LIPA: variants seen among roughly 807,000 people sequenced by gnomAD.
LIPA encodes lipase A, lysosomal acid type.
In LIPA, 26 loss-of-function variants were observed where a neutral mutation model predicts 40.6. The observed-to-expected ratio is 0.64, with a 90% CI of 0.47 to 0.89. The LOEUF (loss-of-function observed/expected upper bound fraction) is 0.89. LIPA is among the 40% of genes least tolerant of loss of function. LIPA has a pLI of 0.00. For synonymous variants in LIPA, 188 were observed against 168.4 expected (o/e 1.12, Z -0.90); for missense variants, 455 against 479.6 (o/e 0.95, Z 0.48).
chr10:89,395,524 C>G (rs1329170080), intron 2 of LIPA, among the ~76,000 whole-genome samples: 2 of 152,114 alleles, frequency 1.3e-5, no homozygotes, highest in African/African-American at 4.8e-5. Flanking sequence ...CCAACACACT[C>G]AAACTCTTCT....
intron 1 of LIPA, among the ~76,000 whole-genome samples, chr10:89,322,159 G>A (rs1003472217): frequency 4.6e-5 from 7 of 152,132 alleles, no homozygotes; most frequent in Admixed American, 2.0e-4. Flanking sequence ...CATGGCACAA[G>A]TATACATATG....
At chr10:89,351,759 G>A (rs1487654977) in intron 2 of LIPA, among the ~76,000 whole-genome samples, 1 of 152,102 alleles carries the variant, frequency 6.6e-6, no homozygotes, top group Non-Finnish European at 1.5e-5. Context: ...TTTTTATTTT[G>A]TCAGGCTTAG....
intron 2 of LIPA, among the ~76,000 whole-genome samples, chr10:89,401,539 G>A (rs1421154152): frequency 1.3e-5 from 2 of 152,118 alleles, no homozygotes; most frequent in African/African-American, 4.8e-5. Flanking sequence ...GTAATATGAG[G>A]GAGATGTGGT....
At chr10:89,377,347 T>C (rs760313457) in intron 2 of LIPA, among the ~76,000 whole-genome samples, 1 of 152,218 alleles carries the variant, frequency 6.6e-6, no homozygotes, top group Non-Finnish European at 1.5e-5. Context: ...ATTCTCTGAC[T>C]ACATTGCATA....
intron 8 of LIPA, among the ~76,000 whole-genome samples, chr10:89,218,850 T>C (rs1320642551): frequency 1.3e-5 from 2 of 152,238 alleles, no homozygotes; most frequent in Non-Finnish European, 1.5e-5. Flanking sequence ...ATTTAGCAGC[T>C]GTATTTTGGG....
chr10:89,248,442 A>ATTTTATTTATTTATT (rs1459065726), intron 1 of LIPA, among the ~76,000 whole-genome samples: 1 of 136,416 alleles, frequency 7.3e-6, no homozygotes, highest in African/African-American at 2.7e-5. Flanking sequence ...TTATTATTTT[A>ATTTTATTTATTTATT]TATTTATTTA....
intron 1 of LIPA, among the ~76,000 whole-genome samples, chr10:89,312,453 A>AAAC (rs1843521573): frequency 6.6e-6 from 1 of 152,060 alleles, no homozygotes; most frequent in African/African-American, 2.4e-5. Context: ...CTCAAAAAAT[A>AAAC]AATAATAATA....
At chr10:89,349,879 T>C (rs545084988) in intron 2 of LIPA, among the ~76,000 whole-genome samples, 1 of 152,328 alleles carries the variant, frequency 6.6e-6, no homozygotes, top group African/African-American at 2.4e-5. Context: ...GGATGAGTTG[T>C]CTGCCCTACT....
chr10:89,312,677 C>T (rs181963972), intron 1 of LIPA, among the ~76,000 whole-genome samples: 8 of 151,664 alleles, frequency 5.3e-5, no homozygotes, highest in Non-Finnish European at 7.4e-5. Context: ...GGCGTGGTGG[C>T]GGGCACCTGT....
intron 1 of LIPA, among the ~76,000 whole-genome samples, chr10:89,305,387 TAGAC>T (rs1288023995): frequency 1.3e-5 from 2 of 152,044 alleles, no homozygotes; most frequent in South Asian, 2.1e-4. Flanking sequence ...AAAGCTGAAA[TAGAC>T]AGAAAATCGA....
chr10:89,268,930 G>A (rs1315165205), intron 1 of LIPA, among the ~76,000 whole-genome samples: 1 of 150,534 alleles, frequency 6.6e-6, no homozygotes, highest in Non-Finnish European at 1.5e-5. Context: ...AGCTTGCAGT[G>A]AGCCAAGATA....
chr10:89,303,534 T>A (rs2133519126), intron 1 of LIPA, among the ~76,000 whole-genome samples: 1 of 152,332 alleles, frequency 6.6e-6, no homozygotes, highest in East Asian at 1.9e-4. Context: ...GAAGCAAGTG[T>A]CTGGCATCAG....
At chr10:89,291,029 A>G (rs886536019) in intron 1 of LIPA, among the ~76,000 whole-genome samples, 1 of 152,186 alleles carries the variant, frequency 6.6e-6, no homozygotes, top group African/African-American at 2.4e-5. Flanking sequence ...TTTCAATGAC[A>G]TGGGTATTGA....
Position 89,225,141 on chromosome 10 carries a change from C to T in LIPA, c.626G>A (p.Cys209Tyr). Residue 209 changes from cysteine to tyrosine, a missense_variant, in exon 6 of 10, where the codon TGT (cysteine) becomes TAT (tyrosine). Cys to Tyr is a radical substitution (Grantham distance 194). Coordinates refer to ENST00000336233, the MANE Select transcript of LIPA (RefSeq NM_000235.4). ...ALGPVASVAF[C>Y]TSPMAKLGRL... ...TCCTAATTTGGCCATAGGGCTAGTA[C>T]AGAAGGCGACGGAAGCCACAGGACC... The T allele has an allele frequency of 6.2e-7, 1 of 1,614,140 alleles. No individual in the cohort carries two copies. Among genetic ancestry groups the T allele is most frequent in the Non-Finnish European group, 8.5e-7 (1 of 1,180,014 alleles).
At chr10:89,396,016 A>T (rs1844338029) in intron 2 of LIPA, among the ~76,000 whole-genome samples, 1 of 152,168 alleles carries the variant, frequency 6.6e-6, no homozygotes, top group Non-Finnish European at 1.5e-5. Context: ...TTTTTTGGCC[A>T]TTATGAATAG....
At chr10:89,385,020 C>A (rs1231135195) in intron 2 of LIPA, 2 of 363,560 alleles carry the variant, frequency 5.5e-6, no homozygotes, top group Admixed American at 4.3e-5. Flanking sequence ...CAAGTAGTAA[C>A]CGATCAAATT....
At chr10:89,364,645 A>G (rs1304334446) in intron 2 of LIPA, among the ~76,000 whole-genome samples, 1 of 149,292 alleles carries the variant, frequency 6.7e-6, no homozygotes, top group African/African-American at 2.4e-5. Flanking sequence ...ATTCATATAT[A>G]TGTATACATA....
upstream of LIPA, among the ~76,000 whole-genome samples, chr10:89,253,907 C>A (rs1843167457): frequency 6.6e-6 from 1 of 152,270 alleles, no homozygotes; most frequent in Non-Finnish European, 1.5e-5. Context: ...AAATGATCTC[C>A]TTTGACTCCA....
intron 2 of LIPA, among the ~76,000 whole-genome samples, chr10:89,395,180 C>T (rs1844323178): frequency 6.7e-6 from 1 of 148,270 alleles, no homozygotes; most frequent in Non-Finnish European, 1.5e-5. Context: ...CCCCACTGAC[C>T]CCACCCCCAC....
Sources: allele counts gnomAD v4.1 joint callset (sites outside exome capture counted in the v4.1 genomes callset), GRCh38; gene constraint gnomAD v4.1.1; transcripts MANE v1.5; gene names NCBI Gene and HGNC (gene_info 2026-07-23, HGNC 2026-07-21).